Variants in ARAP1 observed in about 807,000 individuals in gnomAD.
The protein encoded by ARAP1 is arf-GAP with Rho-GAP domain, ANK repeat and PH domain-containing protein 1.
In ARAP1, 76 loss-of-function variants were observed where a neutral mutation model predicts 172.2. The observed-to-expected ratio is 0.44, with a 90% CI of 0.37 to 0.53. The LOEUF (loss-of-function observed/expected upper bound fraction) is 0.53, where lower values mean the gene tolerates loss of function less well. Ranked by LOEUF, ARAP1 falls within the 20% of genes least tolerant of loss-of-function variation. The pLI is 0.00. For synonymous variants in ARAP1, 804 were observed against 803.3 expected, an observed-to-expected ratio of 1.00 and a Z score of -0.01; for missense variants, 1,686 against 1,977.5, an observed-to-expected ratio of 0.85 and a Z score of 2.80.
chr11:72,740,835 C>T (rs1430952234), intron 1 of ARAP1, among the ~76,000 whole-genome samples: 1 of 152,128 alleles, frequency 6.6e-6, no homozygotes, highest in East Asian at 1.9e-4. Context: ...CGAGGTTTGT[C>T]CTCAAGACAC....
rs117933566 is a variant in ARAP1 at position 72,687,195 on chromosome 11, C to T, written c.4185+244G>A. On this transcript the variant is annotated intron_variant, in intron 33 of 34. Transcript: ENST00000393609. Reference sequence around the variant, plus strand: ...CCACTTCTGAGTCTGTTTTCCTGTCCACATGAGGGGTGCCCCAAGGGCAGG... The same window carrying T: ...CCACTTCTGAGTCTGTTTTCCTGTCTACATGAGGGGTGCCCCAAGGGCAGG... 4.6e-3 allele frequency: 2,599 copies of T among 563,412 alleles called. 10 individuals are homozygous for T. Among genetic ancestry groups the T allele is most frequent in the South Asian group, 6.5e-3 (324 of 49,482 alleles). 34.9% of individuals were successfully genotyped at this position (563,412 alleles called of 1,614,324 possible).
chr11:72,751,029 G>C (rs1328304547), intron 1 of ARAP1, among the ~76,000 whole-genome samples: 1 of 152,160 alleles, frequency 6.6e-6, no homozygotes, highest in Non-Finnish European at 1.5e-5. Context: ...GGGGTATAAA[G>C]CTGGGGTTGA....
chr11:72,695,208 C>G lies in ARAP1; in HGVS notation c.3577-111G>C, dbSNP rs1386513387. On this transcript the variant is annotated intron_variant, in intron 26 of 34. Coordinates refer to ENST00000393609, the MANE Select transcript of ARAP1 (RefSeq NM_001040118.3). This position sits in a 1 kb window ranked among gnomAD's most constrained non-coding sequence, Gnocchi z 4.4. Reference sequence around the variant, plus strand: ...CATCCTTCTCAGGCCCTTCTGGAGTCCTGGGATAGAGAGGGGTATTTCTGA... The same window carrying G: ...CATCCTTCTCAGGCCCTTCTGGAGTGCTGGGATAGAGAGGGGTATTTCTGA... 4.4e-6 allele frequency: 6 copies of G among 1,373,584 alleles called. No individual in the cohort carries two copies. Among genetic ancestry groups the G allele is most frequent in the Non-Finnish European group, 6.1e-6 (6 of 981,042 alleles). The allele number at this position is 1,373,584 out of a possible 1,614,324, so 85.1% of individuals were successfully genotyped here.
In ARAP1 at chr11:72,750,493, C is replaced by T. The variant is rs766317164; in HGVS notation, c.-128+1835G>A. Among the ~76,000 whole-genome samples the T allele has an allele frequency of 4.3e-4, 65 of 152,140 alleles. 2 individuals carry two copies. The highest frequency in any genetic ancestry group is 8.8e-5 in the Non-Finnish European group (6 of 68,018). ...GCCCCCGATACTCTCAGACACCCCC[C>T]CAACCCCTCTAAACTGACCCCTTCC... On this transcript the variant is annotated intron_variant, in intron 1 of 34. Transcript: ENST00000393609.
intron 22 of ARAP1, 163 bp downstream of exon 22, chr11:72,696,819 GC>G: frequency 2.1e-6 from 2 of 958,334 alleles, no homozygotes; most frequent in Non-Finnish European, 3.0e-6. Context: ...GTCTTCCAGG[GC>G]CCCTGGCTCT....
chr11:72,747,079 T>C (rs965891447), intron 1 of ARAP1, among the ~76,000 whole-genome samples: 2 of 152,138 alleles, frequency 1.3e-5, no homozygotes, highest in African/African-American at 4.8e-5. Context: ...ACCCCAGCAC[T>C]GGCCTGGCCA....
chr11:72,712,622 C>T, intron 5 of ARAP1, 54 bp from the exon 6 acceptor site: 1 of 1,606,910 alleles, frequency 6.2e-7, no homozygotes. Flanking sequence ...CAGATCACAC[C>T]CACCCGGGGC....
In ARAP1 at chr11:72,710,898, A is replaced by C. The variant is rs570750999; in HGVS notation, c.1213+123T>G. The C allele has an allele frequency of 1.9e-6, 3 of 1,544,628 alleles. No individual in the cohort carries two copies. The Admixed American group carries it at 5.4e-5, about 28-fold the overall frequency. The stretch of plus-strand genomic sequence containing the variant: ...CCTCTGCCCACCTCACAAAGGCAGC[A>C]TGCCTCCCCGGATGTGATGTGAGAG... On this transcript the variant is annotated intron_variant, in intron 9 of 34. Transcript: ENST00000393609. The surrounding 1 kb of genome is among the most constrained non-coding windows in gnomAD (Gnocchi z 4.3).
chr11:72,702,806 C>A, intron 15 of ARAP1, 99 bp downstream of exon 15: 1 of 1,427,410 alleles, frequency 7.0e-7, no homozygotes, highest in Admixed American at 2.3e-5. Context: ...TTATCACAGG[C>A]CCTTGAGGAG....
chr11:72,731,617 G>A (rs1216675935), intron 2 of ARAP1, among the ~76,000 whole-genome samples: 1 of 152,146 alleles, frequency 6.6e-6, no homozygotes, highest in African/African-American at 2.4e-5. Flanking sequence ...GGTATTCCTT[G>A]ATTGCAATAC....
intron 3 of ARAP1, among the ~76,000 whole-genome samples, chr11:72,717,600 C>T (rs1324734070): frequency 1.3e-5 from 2 of 152,194 alleles, no homozygotes; most frequent in Non-Finnish European, 2.9e-5. Flanking sequence ...TTCCCTGAAG[C>T]AAGCTCCACA....
In ARAP1 at chr11:72,693,710, C is replaced by A. The variant is rs553453512; in HGVS notation, c.3790G>T (p.Ala1264Ser). Residue 1264 changes from alanine to serine, a missense_variant, in exon 28 of 35, where the codon GCC becomes TCC. Ala to Ser is a moderately conservative substitution (Grantham distance 99). Coordinates refer to ENST00000393609, the MANE Select transcript of ARAP1 (RefSeq NM_001040118.3). This position sits in a 1 kb window ranked among gnomAD's most constrained non-coding sequence, Gnocchi z 4.6. ...CACCTACCCAGGTACAGCAGCATGGCCTCCATGGCCTGGTGCTTCTTCACC... is the reference window on the plus strand; with the variant it reads ...CACCTACCCAGGTACAGCAGCATGGACTCCATGGCCTGGTGCTTCTTCACC... ...LVVKKHQAME[A>S]MLLYLASRVG... The A allele has an allele frequency of 2.0e-4, 320 of 1,607,970 alleles. 3 individuals carry two copies. In the South Asian group the frequency reaches 3.2e-3, roughly 16 times the overall value.
intron 3 of ARAP1, among the ~76,000 whole-genome samples, chr11:72,716,150 G>A (rs1857260599): frequency 6.8e-6 from 1 of 147,010 alleles, no homozygotes; most frequent in South Asian, 2.2e-4. Context: ...TCCAGCCTGG[G>A]GGACAGAGCA....
chr11:72,719,372 T>C (rs1857414181), intron 3 of ARAP1, among the ~76,000 whole-genome samples: 1 of 152,226 alleles, frequency 6.6e-6, no homozygotes, highest in Non-Finnish European at 1.5e-5. Context: ...CTGTCCCACG[T>C]CAAATGAGAT....
chr11:72,696,759 C>A, intron 22 of ARAP1, 105 bp from the exon 23 acceptor site: 1 of 1,034,378 alleles, frequency 9.7e-7, no homozygotes, highest in Non-Finnish European at 1.4e-6. Flanking sequence ...AGTCCCTGTG[C>A]CCTCCAAGTC....
intron 11 of ARAP1, among the ~76,000 whole-genome samples, chr11:72,707,687 G>C (rs559308019): frequency 1.1e-3 from 167 of 152,240 alleles, no homozygotes; most frequent in Admixed American, 3.3e-3. Flanking sequence ...GAGGTGAAAG[G>C]ACAGTCTAGA....
At chr11:72,686,322 C>T (rs567616886) in intron 33 of ARAP1, 131 bp from the exon 34 acceptor site, 9 of 1,227,664 alleles carry the variant, frequency 7.3e-6, no homozygotes, top group Non-Finnish European at 1.0e-5. Context: ...TGATCCCCGC[C>T]GATATGAGAA....
At position 72,693,756 on chromosome 11, in the gene ARAP1, C is replaced by G. The variant is rs754763767; in HGVS notation, c.3744G>C (p.Leu1248=). ...AEKVLPILHG[L]GTDSHLVVKK... ...TCACCACCAGGTGGCTGTCCGTGCC[C>G]AGCCCGTGCAGGATGGGCAGCACCT... Residue 1248 remains leucine (L), a synonymous_variant, in exon 28 of 35, where the codon CTG becomes CTC. Transcript: ENST00000393609. The surrounding 1 kb of genome is among the most constrained non-coding windows in gnomAD (Gnocchi z 4.6). 2.5e-6 allele frequency: 4 copies of G among 1,610,088 alleles called. No individual in the cohort carries two copies. The highest frequency in any genetic ancestry group is 3.4e-6 in the Non-Finnish European group (4 of 1,178,322).
Position 72,703,957 on chromosome 11 carries a change from C to A in ARAP1, c.1992+195G>T, listed in dbSNP as rs575889746. On this transcript the variant is annotated intron_variant, in intron 14 of 34. Coordinates refer to ENST00000393609, the MANE Select transcript of ARAP1 (RefSeq NM_001040118.3). Reference sequence around the variant, plus strand: ...ATGTGCCCTTGGCCCAAGGGTCAGGCCTGGCTCCTCCCTGCATGGCCAGAA... The same window carrying A: ...ATGTGCCCTTGGCCCAAGGGTCAGGACTGGCTCCTCCCTGCATGGCCAGAA... 2,032 of 659,520 alleles carry A rather than the reference C, an allele frequency of 3.1e-3. 2 individuals are homozygous for A. The highest frequency in any genetic ancestry group is 4.4e-3 in the Non-Finnish European group (1,726 of 395,878). The allele number at this position is 659,520 out of a possible 1,614,324, so 40.9% of individuals were successfully genotyped here. A position where few individuals can be genotyped will look rare whatever the true frequency, so the allele number is the denominator to read the frequency against.
Sources: gnomAD v4.1 joint callset for allele counts (sites outside exome capture counted in the v4.1 genomes callset) on GRCh38, gnomAD v4.1.1 for gene constraint, Gnocchi (gnomAD v3.1) non-coding constraint, MANE v1.5 for transcripts, NCBI Gene and HGNC (gene_info 2026-07-23, HGNC 2026-07-21) for gene names.